The following CPVL variants were observed in gnomAD, a reference collection of about 807,000 sequenced individuals.
The protein encoded by CPVL is probable serine carboxypeptidase CPVL.
In CPVL, 51 loss-of-function variants were observed where a neutral mutation model predicts 63.7. That is an observed-to-expected ratio of 0.80 (90% CI 0.64 to 1.01). The LOEUF (loss-of-function observed/expected upper bound fraction) is 1.01. Ranked by LOEUF, CPVL falls within the 50% of genes least tolerant of loss-of-function variation. The pLI is 0.00. For missense variants in CPVL, 530 were observed against 573.1 expected (o/e 0.92, Z 0.77); for synonymous variants, 195 against 206.0 (o/e 0.95, Z 0.46).
intron 12 of CPVL, chr7:29,010,086 A>T (rs1375892597): frequency 6.6e-6 from 1 of 152,130 alleles, no homozygotes; most frequent in African/African-American, 2.4e-5. Flanking sequence ...GAAGCAATTG[A>T]ACTGAAACAA....
At chr7:29,027,774 G>A (rs1395790200) in intron 12 of CPVL, among the ~76,000 whole-genome samples, 1 of 152,160 alleles carries the variant, frequency 6.6e-6, no homozygotes, top group African/African-American at 2.4e-5. Flanking sequence ...TTTAATCAAG[G>A]AGGTGAAAGA....
At chr7:28,999,222 G>A (rs1393579682) in intron 12 of CPVL, among the ~76,000 whole-genome samples, 4 of 151,920 alleles carry the variant, frequency 2.6e-5, no homozygotes, top group Non-Finnish European at 4.4e-5. Flanking sequence ...AAAAACAAAC[G>A]AAAAAACAAA....
intron 11 of CPVL, among the ~76,000 whole-genome samples, chr7:29,052,162 G>A (rs1278199106): frequency 6.6e-6 from 1 of 151,648 alleles, no homozygotes; most frequent in Admixed American, 6.6e-5. Flanking sequence ...GGGTGGTAAG[G>A]GATAAAATAC....
At chr7:29,071,036 G>T (rs541232639) in intron 9 of CPVL, among the ~76,000 whole-genome samples, 1 of 151,924 alleles carries the variant, frequency 6.6e-6, no homozygotes, top group African/African-American at 2.4e-5. Context: ...CATGATGGCT[G>T]TATAGTAAAT....
At chr7:29,038,908 T>C (rs1788801181) in intron 11 of CPVL, among the ~76,000 whole-genome samples, 1 of 152,174 alleles carries the variant, frequency 6.6e-6, no homozygotes, top group Admixed American at 6.5e-5. Context: ...TGTGTTTTGT[T>C]TGTTTTTTAG....
At chr7:29,007,937 C>T (rs1014738362) in intron 12 of CPVL, among the ~76,000 whole-genome samples, 2 of 152,028 alleles carry the variant, frequency 1.3e-5, no homozygotes, top group African/African-American at 4.8e-5. Context: ...AACTTAGCAT[C>T]GAGTAGAGGA....
intron 1 of CPVL, among the ~76,000 whole-genome samples, chr7:29,130,985 A>C (rs569168916): frequency 6.6e-6 from 1 of 152,298 alleles, no homozygotes; most frequent in African/African-American, 2.4e-5. Flanking sequence ...AGGACATTAA[A>C]ATCTCATGGC....
At chr7:29,172,953 A>G (rs568745378) in intron 5 of CPVL, among the ~76,000 whole-genome samples, 2 of 152,156 alleles carry the variant, frequency 1.3e-5, no homozygotes, top group Admixed American at 1.3e-4. Context: ...CAGTATGGCA[A>G]AAACCTGTTT....
chr7:29,059,670 G>A (rs1791081816), intron 11 of CPVL, among the ~76,000 whole-genome samples: 2 of 152,036 alleles, frequency 1.3e-5, no homozygotes, highest in Admixed American at 1.3e-4. Context: ...CAACAGTCTG[G>A]GTATACAAGA....
chr7:29,139,809 C>G (rs1240995598), intron 1 of CPVL, among the ~76,000 whole-genome samples: 1 of 152,120 alleles, frequency 6.6e-6, no homozygotes, highest in African/African-American at 2.4e-5. Flanking sequence ...GTTAATTCTA[C>G]CAACATGCCA....
chr7:29,061,721 C>T (rs4719965), intron 11 of CPVL, among the ~76,000 whole-genome samples: 6,788 of 151,804 alleles, frequency 0.045, 371 homozygotes, highest in East Asian at 0.22. Context: ...CCGAGGTGGG[C>T]GGATCACCTG....
chr7:29,128,577 A>C (rs980023409), intron 1 of CPVL, among the ~76,000 whole-genome samples: 6 of 151,946 alleles, frequency 3.9e-5, no homozygotes, highest in Non-Finnish European at 7.4e-5. Context: ...TTAGCCAGGC[A>C]TGGTGGCACA....
At chr7:29,004,989 T>C (rs568631548) in intron 12 of CPVL, among the ~76,000 whole-genome samples, 4 of 151,602 alleles carry the variant, frequency 2.6e-5, no homozygotes, top group South Asian at 2.1e-4. Flanking sequence ...CTCTGCTTGC[T>C]GAGTTCAAGT....
chr7:29,112,865 A>G (rs201472647), intron 2 of CPVL, 43 bp from the exon 3 acceptor site: 34 of 1,332,340 alleles, frequency 2.6e-5, no homozygotes, highest in Admixed American at 1.2e-4. Context: ...ACAGAAAACA[A>G]TAACAACAAA....
intron 3 of CPVL, chr7:29,184,632 T>C (rs1798484378): frequency 6.6e-6 from 1 of 152,246 alleles, no homozygotes; most frequent in South Asian, 2.1e-4. Context: ...TCAGCCTTTC[T>C]GTTTTCTCCA....
At chr7:29,019,804 A>AC (rs1221325103) in intron 12 of CPVL, among the ~76,000 whole-genome samples, 5 of 152,122 alleles carry the variant, frequency 3.3e-5, no homozygotes, top group Non-Finnish European at 5.9e-5. Flanking sequence ...ATCTCCACAA[A>AC]CCACCCCAAA....
chr7:29,010,582 CAAGTT>C (rs1299684036), intron 12 of CPVL: 1 of 152,168 alleles, frequency 6.6e-6, no homozygotes. Flanking sequence ...TTGTTAAAGT[CAAGTT>C]AAAACTGGAT....
At chr7:29,008,042 TGTGGG>T (rs1785378482) in intron 12 of CPVL, among the ~76,000 whole-genome samples, 1 of 151,870 alleles carries the variant, frequency 6.6e-6, no homozygotes, top group Admixed American at 6.6e-5. Flanking sequence ...AAGGAGGTAA[TGTGGG>T]GAAAGATCAA....
intron 2 of CPVL, 95 bp from the exon 3 acceptor site, chr7:29,112,917 T>C (rs966151539): frequency 9.4e-6 from 8 of 851,114 alleles, no homozygotes; most frequent in African/African-American, 3.4e-5. Context: ...ATGGAGTGAT[T>C]AGATAAGCTA....
Sources: gnomAD v4.1 joint callset for allele counts (sites outside exome capture counted in the v4.1 genomes callset) on GRCh38, gnomAD v4.1.1 for gene constraint, MANE v1.5 for transcripts, NCBI Gene and HGNC (gene_info 2026-07-23, HGNC 2026-07-21) for gene names.